CCNA2: variants seen among roughly 807,000 people sequenced by gnomAD.
CCNA2 encodes the protein cyclin-A2.
Under a neutral mutation model 49.4 loss-of-function variants are expected in CCNA2, and 3 were observed. That is an observed-to-expected ratio of 0.06 (90% CI 0.03 to 0.16). CCNA2 has a LOEUF of 0.16. Ranked by LOEUF, CCNA2 falls within the 10% of genes least tolerant of loss-of-function variation. The pLI is 1.00. For missense variants in CCNA2, 372 were observed against 519.7 expected (o/e 0.72, Z 2.76); for synonymous variants, 206 against 197.2 (o/e 1.04, Z -0.37).
intron 7 of CCNA2, 120 bp downstream of exon 7, chr4:121,817,924 C>A: frequency 8.7e-7 from 1 of 1,142,956 alleles, no homozygotes; most frequent in Non-Finnish European, 1.2e-6. Flanking sequence ...AAACACATAA[C>A]CAATTTAGAG....
At position 121,818,182 on chromosome 4, in the gene CCNA2, A is replaced by G; in HGVS notation, c.1117-5T>C. On this transcript the variant is annotated splice_region_variant and splice_polypyrimidine_tract_variant and intron_variant, in intron 6 of 7. Transcript: ENST00000274026. ...CTTTCGTATTAATGATTCAGGCTACAGAGAAGGGAATAGAGAACCCCTGAG... is the reference window on the plus strand; with the variant it reads ...CTTTCGTATTAATGATTCAGGCTACGGAGAAGGGAATAGAGAACCCCTGAG... The G allele has an allele frequency of 6.2e-7, 1 of 1,611,002 alleles. No individual in the cohort carries two copies. Among genetic ancestry groups the G allele is most frequent in the Non-Finnish European group, 8.5e-7 (1 of 1,179,038 alleles).
rs570909867 is a variant in CCNA2, at chr4:121,823,488, C to G, written c.141G>C (p.Arg47=). 1 of 1,613,422 alleles carries G rather than the reference C, an allele frequency of 6.2e-7. No homozygotes were observed. The highest frequency in any genetic ancestry group is 1.7e-5 in the Admixed American group (1 of 59,942). Residue 47 remains arginine, a synonymous_variant, in exon 1 of 8, where the codon CGG becomes CGC. Coordinates refer to ENST00000274026, the MANE Select transcript of CCNA2 (RefSeq NM_001237.5). ...KAAPVQQPRT[R]AALAVLKSGN... ...CGGACTTCAGTACCGCCAGCGCGGC[C>G]CGGGTCCGCGGTTGTTGGACGGGCG...
At chr4:121,819,116 C>T (rs566500206) in intron 5 of CCNA2, among the ~76,000 whole-genome samples, 122 of 152,254 alleles carry the variant, frequency 8.0e-4, no homozygotes, top group African/African-American at 2.8e-3. Flanking sequence ...CCTTTATTAA[C>T]TTTTAAAAAA....
chr4:121,819,027 A>C (rs1283485792), intron 5 of CCNA2, 114 bp from the exon 6 acceptor site: 9 of 666,932 alleles, frequency 1.3e-5, no homozygotes, highest in Non-Finnish European at 2.2e-5. Context: ...GCAACTCTAG[A>C]AAAAATATCT....
chr4:121,816,859 C>CTT lies in CCNA2; in HGVS notation c.*778_*779insAA. 6.3e-7 allele frequency: 1 copy of CTT among 1,575,308 alleles called. No individual in the cohort carries two copies. The highest frequency in any genetic ancestry group is 1.2e-5 in the South Asian group (1 of 86,552). The stretch of plus-strand genomic sequence containing the variant: ...AAAAGAAGAGAGCTGCCAATTAAAG[C>CTT]TAACAGTTGTATATCTGTATATATA... On this transcript the variant is annotated 3_prime_UTR_variant, in exon 8 of 8. Transcript: ENST00000274026.
At chr4:121,819,023 C>A in intron 5 of CCNA2, 110 bp from the exon 6 acceptor site, 1 of 676,358 alleles carries the variant, frequency 1.5e-6, no homozygotes, top group South Asian at 1.7e-5. Flanking sequence ...TGTAGCAACT[C>A]TAGAAAAAAT....
At position 121,822,601 on chromosome 4, in the gene CCNA2, C is replaced by T; in HGVS notation, c.259G>A (p.Val87Ile). Residue 87 changes from valine (V) to isoleucine (I), a missense_variant, in exon 2 of 8, where the codon GTT (valine) becomes ATT (isoleucine). Val to Ile is a conservative substitution (Grantham distance 29). Transcript: ENST00000274026. ...DLPVNDEHVT[V>I]PPWKANSKQP... is the part of the protein sequence containing the mutation. ...TTACTGTTTGCTTTCCAAGGAGGAA[C>T]GGTGACATGCTCATCATTTACAGGA... 3 of 1,613,992 alleles carry T rather than the reference C, an allele frequency of 1.9e-6. No individual in the cohort carries two copies. The highest frequency in any genetic ancestry group is 2.5e-6 in the Non-Finnish European group (3 of 1,179,964).
At chr4:121,822,374 A>T in intron 2 of CCNA2, 29 bp downstream of exon 2, 3 of 1,601,232 alleles carry the variant, frequency 1.9e-6, no homozygotes, top group Non-Finnish European at 2.6e-6. Flanking sequence ...AATTACCGTA[A>T]TTCCACACAG....
At chr4:121,822,836 T>C (rs1272486016) in intron 1 of CCNA2, among the ~76,000 whole-genome samples, 190 bp from the exon 2 acceptor site, 1 of 152,104 alleles carries the variant, frequency 6.6e-6, no homozygotes, top group Non-Finnish European at 1.5e-5. Context: ...AGGCTATCAA[T>C]AGATAACACT....
Position 121,821,040 on chromosome 4 carries a change from A to T in CCNA2, c.509T>A (p.Val170Glu), listed in dbSNP as rs938962336. 18 of 1,613,074 alleles carry T rather than the reference A, an allele frequency of 1.1e-5. No homozygotes were observed. The highest frequency in any genetic ancestry group is 1.5e-5 in the Non-Finnish European group (18 of 1,179,360). ...MSIILEDEKP[V>E]SVNEVPDYHE... Reference sequence around the variant, plus strand: ...GTAGTCTGGTACTTCATTAACACTCACTGGCTTTTCATCTTCTAATATAAT... The same window carrying T: ...GTAGTCTGGTACTTCATTAACACTCTCTGGCTTTTCATCTTCTAATATAAT... The change falls in exon 3 of 8, where the codon GTG (valine) becomes GAG (glutamate). Residue 170 changes from valine (V) to glutamate (E), a missense_variant. Physicochemically the swap from Val to Glu is moderately radical, Grantham distance 121 (BLOSUM62 -2). Transcript: ENST00000274026.
At position 121,817,548 on chromosome 4, in the gene CCNA2, A is replaced by ATGAT; in HGVS notation, c.*86_*89dup. Reference sequence around the variant, plus strand: ...TTGGCCACAACTTCTGTATTCAGAAATGATTGTAAAATTAAAACCTAAGTT... The same window carrying ATGAT: ...TTGGCCACAACTTCTGTATTCAGAAATGATTGATTGTAAAATTAAAACCTAAGTT... On this transcript the variant is annotated 3_prime_UTR_variant, in exon 8 of 8. Transcript: ENST00000274026. 2 of 1,507,116 alleles carry ATGAT rather than the reference A, an allele frequency of 1.3e-6. No homozygotes were observed. The highest frequency in any genetic ancestry group is 3.8e-5 in the Admixed American group (2 of 53,220). 93.4% of individuals were successfully genotyped at this position (1,507,116 alleles called of 1,614,324 possible). A position where few individuals can be genotyped will look rare whatever the true frequency, so the allele number is the denominator to read the frequency against.
In CCNA2 at chr4:121,818,878, T is replaced by C; in HGVS notation, c.1038A>G (p.Pro346=). The C allele has an allele frequency of 1.2e-6, 2 of 1,613,316 alleles. No homozygotes were observed. Among genetic ancestry groups the C allele is most frequent in the Non-Finnish European group, 1.7e-6 (2 of 1,179,248 alleles). ...TAACTGATGGCAAATACTTGAGGTATGGGTCAGCATCTATCAAACTTAATT... is the reference window on the plus strand; with the variant it reads ...TAACTGATGGCAAATACTTGAGGTACGGGTCAGCATCTATCAAACTTAATT... ...LGELSLIDAD[P]YLKYLPSVIA... is the part of the protein sequence containing the mutation. The change falls in exon 6 of 8, where the codon CCA becomes CCG. Residue 346 remains proline (P), a synonymous_variant. Coordinates refer to ENST00000274026, the MANE Select transcript of CCNA2 (RefSeq NM_001237.5).
Position 121,820,100 on chromosome 4 carries a change from C to G in CCNA2, c.794+442G>C, listed in dbSNP as rs941699430. Among the ~76,000 whole-genome samples the G allele has an allele frequency of 2.0e-5, 3 of 151,716 alleles. No homozygotes were observed. Among genetic ancestry groups the G allele is most frequent in the Admixed American group, 2.0e-4 (3 of 15,242 alleles). The stretch of plus-strand genomic sequence containing the variant: ...AGATTACAGGCATGCATCACCATGC[C>G]CAGCTAATTTTTGTATTTTTAGTAG... On this transcript the variant is annotated intron_variant, in intron 4 of 7. Transcript: ENST00000274026. The surrounding 1 kb of genome is among the most constrained non-coding windows in gnomAD (Gnocchi z 4.1).
Position 121,818,664 on chromosome 4 carries a change from A to G in CCNA2, c.1116+136T>C, listed in dbSNP as rs1007707625. ...ACACAGTTCAAACCTGTGTTTTTCAAAGGTCAACTATATATATTTGAAGTT... is the reference window on the plus strand; with the variant it reads ...ACACAGTTCAAACCTGTGTTTTTCAGAGGTCAACTATATATATTTGAAGTT... On this transcript the variant is annotated intron_variant, in intron 6 of 7. Coordinates refer to ENST00000274026, the MANE Select transcript of CCNA2 (RefSeq NM_001237.5). The G allele has an allele frequency of 6.4e-6, 4 of 622,366 alleles. No homozygotes were observed. In the Admixed American group the frequency reaches 1.1e-4, roughly 18 times the overall value. The allele number at this position is 622,366 out of a possible 1,614,324, so 38.6% of individuals were successfully genotyped here.
At chr4:121,821,729 T>C (rs1724697185) in intron 2 of CCNA2, among the ~76,000 whole-genome samples, 1 of 152,184 alleles carries the variant, frequency 6.6e-6, no homozygotes, top group African/African-American at 2.4e-5. Flanking sequence ...ACACAAATTA[T>C]TATTTCCAAA....
Position 121,818,890 on chromosome 4 carries a change from T to C in CCNA2, c.1026A>G (p.Ile342Met). 2.5e-6 allele frequency: 4 copies of C among 1,611,672 alleles called. No homozygotes were observed. Among genetic ancestry groups the C allele is most frequent in the Non-Finnish European group, 3.4e-6 (4 of 1,177,726 alleles). ...LAMFLGELSL[I>M]DADPYLKYLP... is the part of the protein sequence containing the mutation. ...AATACTTGAGGTATGGGTCAGCATCTATCAAACTTAATTCTCCCAAAAACT... is the reference window on the plus strand; with the variant it reads ...AATACTTGAGGTATGGGTCAGCATCCATCAAACTTAATTCTCCCAAAAACT... Residue 342 changes from isoleucine (I) to methionine (M), a missense_variant, in exon 6 of 8, where the codon ATA becomes ATG. This residue lies in a region of CCNA2 where 155 missense variants were observed against 288.1 expected (regional missense o/e 0.54). Transcript: ENST00000274026.
rs1178125423 is a variant in CCNA2 at position 121,819,405 on chromosome 4, C to G, written c.969G>C (p.Gln323His). ...AACTTTCAACTTTGCAGTTTGCAGG[C>G]TGCTGATGCAGAAAGTATTGGGTAA... ...QFLTQYFLHQ[Q>H]PANCKVESLA... The change falls in exon 5 of 8, where the codon CAG (glutamine) becomes CAC (histidine). Residue 323 changes from glutamine (Q) to histidine (H), a missense_variant. Physicochemically the swap from Gln to His is conservative, Grantham distance 24 (BLOSUM62 0). Transcript: ENST00000274026. 1.2e-6 allele frequency: 2 copies of G among 1,613,936 alleles called. No homozygotes were observed. Among genetic ancestry groups the G allele is most frequent in the South Asian group, 2.2e-5 (2 of 91,068 alleles).
In CCNA2 at chr4:121,823,518, C is replaced by A. The variant is rs1007177362; in HGVS notation, c.111G>T (p.Lys37Asn). The change falls in exon 1 of 8, where the codon AAG (lysine) becomes AAT (asparagine). Residue 37 changes from lysine to asparagine, a missense_variant. By Grantham distance (94) the Lys-to-Asn change is moderately conservative. Coordinates refer to ENST00000274026, the MANE Select transcript of CCNA2 (RefSeq NM_001237.5). ...QEDQENINPE[K>N]AAPVQQPRTR... is the part of the protein sequence containing the mutation. ...TCCGCGGTTGTTGGACGGGCGCTGC[C>A]TTTTCCGGGTTGATATTCTCCTGGT... 2.4e-5 allele frequency: 38 copies of A among 1,613,106 alleles called. No individual in the cohort carries two copies. The highest frequency in any genetic ancestry group is 3.1e-5 in the Non-Finnish European group (37 of 1,179,750).
chr4:121,817,571 G>A lies in CCNA2; in HGVS notation c.*67C>T. ...AAATGATTGTAAAATTAAAACCTAAGTTAAAAACTGTACACCATATACTTT... is the reference window on the plus strand; with the variant it reads ...AAATGATTGTAAAATTAAAACCTAAATTAAAAACTGTACACCATATACTTT... On this transcript the variant is annotated 3_prime_UTR_variant, in exon 8 of 8. Coordinates refer to ENST00000274026, the MANE Select transcript of CCNA2 (RefSeq NM_001237.5). The A allele has an allele frequency of 6.3e-7, 1 of 1,584,420 alleles. No homozygotes were observed. Among genetic ancestry groups the A allele is most frequent in the Non-Finnish European group, 8.6e-7 (1 of 1,164,134 alleles).
Sources: gnomAD v4.1 joint callset for allele counts (sites outside exome capture counted in the v4.1 genomes callset) on GRCh38, gnomAD v4.1.1 for gene constraint, gnomAD v4.1.1 regional missense constraint, Gnocchi (gnomAD v3.1) non-coding constraint, MANE v1.5 for transcripts, NCBI Gene and HGNC (gene_info 2026-07-23, HGNC 2026-07-21) for gene names.